The following PRRC2B variants were observed in gnomAD, a reference collection of about 807,000 sequenced individuals.
PRRC2B encodes proline rich coiled-coil 2B.
A neutral mutation model predicts 242.3 loss-of-function variants in PRRC2B; 68 were observed. The observed-to-expected ratio is 0.28, with a 90% CI of 0.23 to 0.34. The LOEUF is 0.34. Ranked by LOEUF, PRRC2B falls within the 10% of genes least tolerant of loss-of-function variation. PRRC2B has a pLI of 1.00. For missense variants in PRRC2B, 2,835 were observed against 2,954.8 expected (o/e 0.96, Z 0.94); for synonymous variants, 1,228 against 1,173.6 (o/e 1.05, Z -0.95).
In PRRC2B at chr9:131,487,205, A is replaced by G; in HGVS notation, c.5895A>G (p.Thr1965=). 2.5e-6 allele frequency: 4 copies of G among 1,613,776 alleles called. No individual in the cohort carries two copies. In the East Asian group the frequency reaches 6.7e-5, roughly 27 times the overall value. ...AGCAGATCCCGATCTCCCTTCACAC[A>G]TCTCTGCAGGCACAAGCTCAGCTTG... ...AAQQIPISLH[T]SLQAQAQLGL... The change falls in exon 27 of 32, where the codon ACA becomes ACG. Residue 1965 remains threonine (T), a synonymous_variant. Transcript: ENST00000683519. This position sits in a 1 kb window ranked among gnomAD's most constrained non-coding sequence, Gnocchi z 5.3.
chr9:131,486,427 C>T (rs1260071512), intron 26 of PRRC2B: 12 of 931,050 alleles, frequency 1.3e-5, no homozygotes, highest in African/African-American at 1.8e-5. Flanking sequence ...AAAGTTCTCC[C>T]TCCTGTGTCC....
intron 9 of PRRC2B, among the ~76,000 whole-genome samples, chr9:131,450,785 A>G (rs189039146): frequency 2.6e-4 from 40 of 151,902 alleles, no homozygotes; most frequent in Non-Finnish European, 4.4e-4. Flanking sequence ...ACGAAGTTTC[A>G]CCATGTTGGC....
chr9:131,430,137 T>G lies in PRRC2B; in HGVS notation c.-8T>G. The G allele has an allele frequency of 3.2e-6, 5 of 1,560,056 alleles. No individual in the cohort carries two copies. Among genetic ancestry groups the G allele is most frequent in the Non-Finnish European group, 4.4e-6 (5 of 1,138,402 alleles). On this transcript the variant is annotated 5_prime_UTR_variant, in exon 2 of 32. Coordinates refer to ENST00000683519, the MANE Select transcript of PRRC2B (RefSeq NM_013318.4). ...AAAAATTTCCTTACTAGATGACATT[T>G]CATCGCAATGTCCGATCGTTTGGGG...
At chr9:131,464,329 ATTG>A (rs1019865960) in intron 11 of PRRC2B, among the ~76,000 whole-genome samples, 25 of 152,208 alleles carry the variant, frequency 1.6e-4, no homozygotes, top group African/African-American at 6.0e-4. Flanking sequence ...GGGTTTATGT[ATTG>A]TTGTGCGGGC....
At chr9:131,495,422 T>A (rs1266932893) in intron 31 of PRRC2B, among the ~76,000 whole-genome samples, 2 of 152,104 alleles carry the variant, frequency 1.3e-5, no homozygotes, top group Admixed American at 1.3e-4. Context: ...TTTGAAAAGG[T>A]TCTTCCAGTT....
intron 2 of PRRC2B, among the ~76,000 whole-genome samples, chr9:131,431,469 T>C (rs972844018): frequency 4.6e-5 from 7 of 151,890 alleles, no homozygotes; most frequent in African/African-American, 1.7e-4. Flanking sequence ...TTCTCCATGT[T>C]GGTCAGGCTG....
chr9:131,494,578 G>A lies in PRRC2B; in HGVS notation c.6555+92G>A, dbSNP rs746502134. ...AAGGGACTGTCCAACCTATCTGAGC[G>A]CCCCCTGTCTAAAGACAGCCATGCC... On this transcript the variant is annotated intron_variant, in intron 31 of 31. Transcript: ENST00000683519. The surrounding 1 kb of genome is among the most constrained non-coding windows in gnomAD (Gnocchi z 4.3). 3.3e-4 allele frequency: 230 copies of A among 694,332 alleles called. 1 individual carries two copies. The highest frequency in any genetic ancestry group is 4.5e-4 in the Non-Finnish European group (184 of 408,754). The allele number at this position is 694,332 out of a possible 1,614,324, so 43.0% of individuals were successfully genotyped here.
chr9:131,415,799 C>T (rs1238703354), intron 1 of PRRC2B, among the ~76,000 whole-genome samples: 1 of 152,084 alleles, frequency 6.6e-6, no homozygotes, highest in Admixed American at 6.5e-5. Context: ...AAACTGTATC[C>T]CTAACATGCT....
At chr9:131,433,345 C>T (rs1158767412) in intron 3 of PRRC2B, among the ~76,000 whole-genome samples, 1 of 152,206 alleles carries the variant, frequency 6.6e-6, no homozygotes, top group Non-Finnish European at 1.5e-5. Flanking sequence ...TGTACTGCAG[C>T]CTCCCTGGAG....
chr9:131,483,795 TC>T (rs1361503911), intron 23 of PRRC2B, among the ~76,000 whole-genome samples: 1 of 152,032 alleles, frequency 6.6e-6, no homozygotes, highest in Non-Finnish European at 1.5e-5. Context: ...CATCCAAGGG[TC>T]CCTGCCGCCT....
chr9:131,396,290 T>TCCTTCCTTC (rs1837054107), intron 1 of PRRC2B, among the ~76,000 whole-genome samples: 1 of 151,494 alleles, frequency 6.6e-6, no homozygotes, highest in African/African-American at 2.4e-5. Context: ...CCCTTCCTTT[T>TCCTTCCTTC]CCTTCCTTCC....
At chr9:131,437,639 A>T (rs1480807025) in intron 4 of PRRC2B, among the ~76,000 whole-genome samples, 1 of 152,228 alleles carries the variant, frequency 6.6e-6, no homozygotes, top group Non-Finnish European at 1.5e-5. Context: ...CTCTGCTTTA[A>T]CCATACTCAG....
At chr9:131,472,557 A>G (rs1439237641) in intron 14 of PRRC2B, among the ~76,000 whole-genome samples, 3 of 144,606 alleles carry the variant, frequency 2.1e-5, no homozygotes, top group Non-Finnish European at 4.5e-5. Context: ...GCCTACTGCA[A>G]CCTCCACCTC....
chr9:131,436,748 T>G, intron 4 of PRRC2B, 26 bp downstream of exon 4: 1 of 1,571,334 alleles, frequency 6.4e-7, no homozygotes, highest in Non-Finnish European at 8.7e-7. Context: ...CCATCCCAAC[T>G]GTTTCCTGGG....
intron 1 of PRRC2B, among the ~76,000 whole-genome samples, chr9:131,412,358 ATTTG>A (rs927730906): frequency 6.6e-6 from 1 of 151,838 alleles, no homozygotes; most frequent in African/African-American, 2.4e-5. Flanking sequence ...GTGTATGTTT[ATTTG>A]TTCTTATTGT....
chr9:131,386,182 G>A (rs1325418637), intron 1 of PRRC2B, among the ~76,000 whole-genome samples: 3 of 150,038 alleles, frequency 2.0e-5, no homozygotes, highest in Non-Finnish European at 1.5e-5. Flanking sequence ...GCGTGAACAT[G>A]TCTCACTGCA....
At chr9:131,443,339 T>C (rs1036853823) in intron 5 of PRRC2B, among the ~76,000 whole-genome samples, 2 of 151,120 alleles carry the variant, frequency 1.3e-5, no homozygotes, top group Admixed American at 1.3e-4. Context: ...GGTTTCACCA[T>C]GTTAGCCAGG....
chr9:131,440,254 G>A (rs1838519769), intron 5 of PRRC2B, among the ~76,000 whole-genome samples: 1 of 152,126 alleles, frequency 6.6e-6, no homozygotes, highest in African/African-American at 2.4e-5. Context: ...CACTGGACTT[G>A]TAACTGGTTC....
At chr9:131,417,852 G>A (rs1837699502) in intron 1 of PRRC2B, among the ~76,000 whole-genome samples, 1 of 152,168 alleles carries the variant, frequency 6.6e-6, no homozygotes, top group African/African-American at 2.4e-5. Flanking sequence ...GAGTATTTTT[G>A]TCCGAGCACC....
Sources: gnomAD v4.1 joint callset for allele counts (sites outside exome capture counted in the v4.1 genomes callset) on GRCh38, gnomAD v4.1.1 for gene constraint, Gnocchi (gnomAD v3.1) non-coding constraint, MANE v1.5 for transcripts, NCBI Gene and HGNC (gene_info 2026-07-23, HGNC 2026-07-21) for gene names.